KRI1: variants seen among roughly 807,000 people sequenced by gnomAD.
KRI1 encodes the protein protein KRI1 homolog.
KRI1 carries 83 observed loss-of-function variants against 97.0 expected under a neutral mutation model. The ratio of observed to expected loss-of-function variants is 0.86; its 90% CI spans 0.72 to 1.03. KRI1 has a LOEUF of 1.03. Among genes scored for constraint, KRI1 ranks in the 50% least tolerant of loss-of-function variants. The pLI is 0.00. For missense variants in KRI1, 916 were observed against 928.4 expected, an observed-to-expected ratio of 0.99 and a Z score of 0.17; for synonymous variants, 371 against 363.5, an observed-to-expected ratio of 1.02 and a Z score of -0.23.
At position 10,560,400 on chromosome 19, in the gene KRI1, G is replaced by A. The variant is rs373617837; in HGVS notation, c.712C>T (p.Arg238Trp). ...TTGAGGATGTAATCCCGCAGGAACC[G>A]CTCCCCTTCATCCAACTCAGGGTCG... ...WNDPELDEGERFLRDYILNKR... is the reference protein window; with the variant it reads ...WNDPELDEGEWFLRDYILNKR... Residue 238 changes from arginine (R) to tryptophan (W), a missense_variant, in exon 9 of 19, where the codon CGG becomes TGG. Transcript: ENST00000312962. 4.3e-5 allele frequency: 70 copies of A among 1,613,514 alleles called. No individual in the cohort carries two copies. The highest frequency in any genetic ancestry group is 5.3e-5 in the Non-Finnish European group (63 of 1,179,852).
intron 4 of KRI1, 99 bp from the exon 5 acceptor site, chr19:10,561,944 T>G (rs1458491558): frequency 9.6e-7 from 1 of 1,045,284 alleles, no homozygotes; most frequent in Non-Finnish European, 1.5e-6. Flanking sequence ...CTGGCGGGGG[T>G]CATCGGAGGG....
Position 10,553,325 on chromosome 19 carries a change from C to A in KRI1, c.*626G>T, listed in dbSNP as rs1423613011. On this transcript the variant is annotated 3_prime_UTR_variant, in exon 19 of 19. Coordinates refer to ENST00000312962, the MANE Select transcript of KRI1 (RefSeq NM_023008.5). ...CCCCCCTCAGGGCCTGACTCACGTA[C>A]TGTAGTTTGCACTGGACGCCCGGGC... The A allele has an allele frequency of 4.4e-6, 2 of 452,982 alleles. No individual in the cohort carries two copies. Among genetic ancestry groups the A allele is most frequent in the African/African-American group, 1.9e-5 (1 of 51,604 alleles). The allele number at this position is 452,982 out of a possible 1,614,324, so 28.1% of individuals were successfully genotyped here. A position where few individuals can be genotyped will look rare whatever the true frequency, so the allele number is the denominator to read the frequency against.
rs1464237761 is a variant in KRI1 at position 10,553,607 on chromosome 19, G to A, written c.*344C>T. On this transcript the variant is annotated 3_prime_UTR_variant, in exon 19 of 19. Coordinates refer to ENST00000312962, the MANE Select transcript of KRI1 (RefSeq NM_023008.5). ...TTTTTTTTTCAAGAGACAGGGTCTTGCTTTGTTGCCCAGGCTGGAGTGCAG... is the reference window on the plus strand; with the variant it reads ...TTTTTTTTTCAAGAGACAGGGTCTTACTTTGTTGCCCAGGCTGGAGTGCAG... 1 of 204,202 alleles carries A rather than the reference G, an allele frequency of 4.9e-6. No individual in the cohort carries two copies. Among genetic ancestry groups the A allele is most frequent in the African/African-American group, 2.4e-5 (1 of 41,096 alleles). The allele number at this position is 204,202 out of a possible 1,614,324, so 12.6% of individuals were successfully genotyped here.
intron 18 of KRI1, 22 bp from the exon 19 acceptor site, chr19:10,554,303 T>G: frequency 3.1e-6 from 5 of 1,598,656 alleles, no homozygotes; most frequent in Non-Finnish European, 3.4e-6. Context: ...AAGTCAGGGC[T>G]CAGCCCAGGC....
At chr19:10,557,709 G>A in intron 15 of KRI1, 27 bp from the exon 16 acceptor site, 1 of 1,614,090 alleles carries the variant, frequency 6.2e-7, no homozygotes, top group Non-Finnish European at 8.5e-7. Context: ...CAGGCTGCTG[G>A]GCTATGCCAG....
rs748292484 is a variant in KRI1 at position 10,558,204 on chromosome 19, C to G, written c.1230G>C (p.Glu410Asp). The change falls in exon 13 of 19, where the codon GAG becomes GAC. Residue 410 changes from glutamate to aspartate, a missense_variant. By Grantham distance (45) the Glu-to-Asp change is conservative. Coordinates refer to ENST00000312962, the MANE Select transcript of KRI1 (RefSeq NM_023008.5). ...CFGDEYYGAV[E>D]EEKPQFEEEE... ...CTTCCTCAAATTGTGGCTTCTCCTCCTCCACGGCCCCGTAGTACTCGTCCC... is the reference window on the plus strand; with the variant it reads ...CTTCCTCAAATTGTGGCTTCTCCTCGTCCACGGCCCCGTAGTACTCGTCCC... 1.9e-6 allele frequency: 3 copies of G among 1,614,114 alleles called. No individual in the cohort carries two copies. In the South Asian group the frequency reaches 3.3e-5, roughly 18 times the overall value.
rs1020254071 is a variant in KRI1 at position 10,555,128 on chromosome 19, T to C, written c.1740A>G (p.Ser580=). The C allele has an allele frequency of 6.2e-7, 1 of 1,608,918 alleles. No homozygotes were observed. Among genetic ancestry groups the C allele is most frequent in the East Asian group, 2.3e-5 (1 of 44,442 alleles). ...ACTTGAAGACCTGCCGCTTTTTCCATGAGTTCTGGGCCTTCTGGCTGTACG... is the reference window on the plus strand; with the variant it reads ...ACTTGAAGACCTGCCGCTTTTTCCACGAGTTCTGGGCCTTCTGGCTGTACG... ...KRAYSQKAQN[S]WKKRQVFKSL... The change falls in exon 18 of 19, where the codon TCA becomes TCG. Residue 580 remains serine, a synonymous_variant. Coordinates refer to ENST00000312962, the MANE Select transcript of KRI1 (RefSeq NM_023008.5).
chr19:10,558,581 T>C (rs570678224), intron 12 of KRI1, among the ~76,000 whole-genome samples: 2 of 152,276 alleles, frequency 1.3e-5, no homozygotes, highest in South Asian at 4.1e-4. Flanking sequence ...TCGCTCTTGT[T>C]GCCCAAGCAG....
chr19:10,555,247 C>CGCAGCGCA (rs71162094), intron 17 of KRI1, 38 bp downstream of exon 17: 101 of 1,613,202 alleles, frequency 6.3e-5, no homozygotes, highest in Non-Finnish European at 8.3e-5. Context: ...CCGCCCTGCC[C>CGCAGCGCA]CCTGCGCATG....
At chr19:10,562,630 G>T in intron 4 of KRI1, 99 bp downstream of exon 4, 1 of 732,252 alleles carries the variant, frequency 1.4e-6, no homozygotes, top group Non-Finnish European at 2.5e-6. Flanking sequence ...ACCATGCCCG[G>T]CCCAGGCTGC....
chr19:10,563,133 G>A (rs1414271138), intron 3 of KRI1, among the ~76,000 whole-genome samples: 1 of 152,024 alleles, frequency 6.6e-6, no homozygotes, highest in African/African-American at 2.4e-5. Context: ...TCGGCTCACT[G>A]CAACCTCTGC....
At position 10,553,164 on chromosome 19, in the gene KRI1, TC is replaced by T. The variant is rs1233903558; in HGVS notation, c.*786del. The T allele has an allele frequency of 2.1e-6, 3 of 1,402,820 alleles. No individual in the cohort carries two copies. The highest frequency in any genetic ancestry group is 2.9e-5 in the African/African-American group (2 of 69,242). 86.9% of individuals were successfully genotyped at this position (1,402,820 alleles called of 1,614,324 possible). A position where few individuals can be genotyped will look rare whatever the true frequency, so the allele number is the denominator to read the frequency against. Reference sequence around the variant, plus strand: ...GAGCTCTGGCAGTGATGATGGTACTTCCTGTTGTCAGCCCCTCAAGCCCAGC... The same window carrying T: ...GAGCTCTGGCAGTGATGATGGTACTTCTGTTGTCAGCCCCTCAAGCCCAGC... On this transcript the variant is annotated 3_prime_UTR_variant, in exon 19 of 19. Transcript: ENST00000312962.
intron 4 of KRI1, among the ~76,000 whole-genome samples, chr19:10,562,527 C>T (rs1916732308): frequency 6.8e-6 from 1 of 148,006 alleles, no homozygotes; most frequent in Admixed American, 6.8e-5. Flanking sequence ...TTTGTAGAGG[C>T]GGGGTATGTT....
Position 10,553,975 on chromosome 19 carries a change from T to C in KRI1, c.2088A>G (p.Gln696=), listed in dbSNP as rs1235905275. 5 of 1,609,496 alleles carry C rather than the reference T, an allele frequency of 3.1e-6. No homozygotes were observed. In the South Asian group the frequency reaches 3.3e-5, roughly 11 times the overall value. ...FRQLGRQRRK[Q]QGPKNSS ...CTCAGGAGCTGTTCTTGGGCCCCTG[T>C]TGTTTCCTCCGCTGCCGGCCCAGCT... is the stretch of plus-strand genomic sequence containing the variant. Residue 696 remains glutamine, a synonymous_variant, in exon 19 of 19, where the codon CAA becomes CAG. Coordinates refer to ENST00000312962, the MANE Select transcript of KRI1 (RefSeq NM_023008.5).
In KRI1 at chr19:10,559,177, G is replaced by T. The variant is rs1599532910; in HGVS notation, c.1194+182C>A. 2.0e-5 allele frequency among the ~76,000 whole-genome samples: 3 copies of T among 151,794 alleles called. No individual in the cohort carries two copies. In the East Asian group the frequency reaches 5.8e-4, roughly 29 times the overall value. On this transcript the variant is annotated intron_variant, in intron 12 of 18. Coordinates refer to ENST00000312962, the MANE Select transcript of KRI1 (RefSeq NM_023008.5). ...ACACCACCACACCTGGCTAATTTTTGTATTTTTAGTAGAGATGAGGTTTTA... is the reference window on the plus strand; with the variant it reads ...ACACCACCACACCTGGCTAATTTTTTTATTTTTAGTAGAGATGAGGTTTTA...
chr19:10,555,928 T>C (rs1457929309), intron 16 of KRI1, among the ~76,000 whole-genome samples: 1 of 152,176 alleles, frequency 6.6e-6, no homozygotes, highest in Admixed American at 6.5e-5. Context: ...CCTTCCATAG[T>C]CACCAAAGTT....
rs139519842 is a variant in KRI1, at chr19:10,558,922, G to A, written c.1194+437C>T. On this transcript the variant is annotated intron_variant, in intron 12 of 18. Transcript: ENST00000312962. Reference sequence around the variant, plus strand: ...GGGATTCTCCATGTTGGCCAGGATGGTCTCAATCTCCTGACCTCGTGATCC... The same window carrying A: ...GGGATTCTCCATGTTGGCCAGGATGATCTCAATCTCCTGACCTCGTGATCC... Among the ~76,000 whole-genome samples, 196 of 151,688 alleles carry A rather than the reference G, an allele frequency of 1.3e-3. 3 individuals are homozygous for A. In the East Asian group the frequency reaches 0.034, roughly 26 times the overall value.
chr19:10,554,143 G>T lies in KRI1; in HGVS notation c.1920C>A (p.Pro640=). 1 of 1,614,090 alleles carries T rather than the reference G, an allele frequency of 6.2e-7. No homozygotes were observed. Among genetic ancestry groups the T allele is most frequent in the East Asian group, 2.2e-5 (1 of 44,878 alleles). ...PAQEEEAPVS[P]HKKPAPQKRR... ...GCTTCTGGGGGGCTGGCTTCTTGTG[G>T]GGTGATACAGGGGCTTCCTCTTCCT... Residue 640 remains proline, a synonymous_variant, in exon 19 of 19, where the codon CCC becomes CCA. Transcript: ENST00000312962.
intron 6 of KRI1, 65 bp downstream of exon 6, chr19:10,561,602 G>T (rs910469511): frequency 6.7e-7 from 1 of 1,482,466 alleles, no homozygotes; most frequent in Non-Finnish European, 9.4e-7. Context: ...ATTTGAACCC[G>T]TGCCTATCCA....
Sources: allele counts gnomAD v4.1 joint callset (sites outside exome capture counted in the v4.1 genomes callset), GRCh38; gene constraint gnomAD v4.1.1; transcripts MANE v1.5; gene names NCBI Gene and HGNC (gene_info 2026-07-23, HGNC 2026-07-21).